Variants in BBOF1 observed in about 807,000 individuals in gnomAD.
The protein encoded by BBOF1 is basal body-orientation factor 1.
In BBOF1, 62 loss-of-function variants were observed where a neutral mutation model predicts 68.0. The observed-to-expected ratio is 0.91, with a 90% CI of 0.74 to 1.13. The LOEUF (loss-of-function observed/expected upper bound fraction) is 1.13, where lower values mean the gene tolerates loss of function less well. BBOF1 is among the 50% of genes most tolerant of loss of function. The pLI is 0.00. For synonymous variants in BBOF1, 208 were observed against 198.8 expected, an observed-to-expected ratio of 1.05 and a Z score of -0.39; for missense variants, 534 against 600.1, an observed-to-expected ratio of 0.89 and a Z score of 1.15.
At chr14:74,045,251 C>T (rs2059923930) in intron 5 of BBOF1, among the ~76,000 whole-genome samples, 1 of 152,152 alleles carries the variant, frequency 6.6e-6, no homozygotes, top group Non-Finnish European at 1.5e-5. Context: ...GTTTTGTTCA[C>T]TACAGAATTT....
intron 8 of BBOF1, among the ~76,000 whole-genome samples, chr14:74,054,678 C>CTTTT (rs551602396): frequency 4.2e-5 from 5 of 119,210 alleles, no homozygotes; most frequent in African/African-American, 1.6e-4. Flanking sequence ...CACCCAGGCT[C>CTTTT]TTTTTTTTTT....
Position 74,050,077 on chromosome 14 carries a change from A to G in BBOF1, c.1168A>G (p.Asn390Asp), listed in dbSNP as rs550932202. The G allele has an allele frequency of 6.2e-6, 10 of 1,614,026 alleles. No homozygotes were observed. In the South Asian group the frequency reaches 1.1e-4, roughly 18 times the overall value. The part of the protein sequence containing the change: ...HYKQIAQAAF[N>D]LKMRAACTGR... ...TAAGCAGATAGCACAAGCTGCTTTC[A>G]ATTTAAAAATGAGAGCAGCATGTAC... is the stretch of plus-strand genomic sequence containing the variant. Residue 390 changes from asparagine to aspartate, a missense_variant, in exon 8 of 12, where the codon AAT becomes GAT. Transcript: ENST00000394009.
At chr14:74,057,691 A>AT in intron 11 of BBOF1, 1 of 1,272,374 alleles carries the variant, frequency 7.9e-7, no homozygotes, top group African/African-American at 1.6e-5. Flanking sequence ...TTAATTTATA[A>AT]TTTGTTATTC....
intron 9 of BBOF1, among the ~76,000 whole-genome samples, chr14:74,073,243 A>G (rs1425478139): frequency 6.6e-6 from 1 of 152,074 alleles, no homozygotes; most frequent in Admixed American, 6.6e-5. Context: ...AGCTGGGACT[A>G]CAGGCACATG....
intron 1 of BBOF1, 63 bp downstream of exon 1, chr14:74,019,597 C>T (rs900181085): frequency 4.5e-6 from 7 of 1,543,242 alleles, no homozygotes; most frequent in African/African-American, 2.8e-5. Context: ...GGGTCTGGGG[C>T]TGGCAACCTG....
At chr14:74,078,885 G>A (rs1293257422) in intron 10 of BBOF1, among the ~76,000 whole-genome samples, 4 of 151,376 alleles carry the variant, frequency 2.6e-5, no homozygotes, top group Admixed American at 6.6e-5. Flanking sequence ...GGTTGGTCTC[G>A]AACTCCTGAC....
chr14:74,037,691 C>T (rs1195391229), intron 4 of BBOF1, among the ~76,000 whole-genome samples: 5 of 151,742 alleles, frequency 3.3e-5, no homozygotes, highest in South Asian at 2.1e-4. Flanking sequence ...TGGTGGCTCA[C>T]GCCTGTAATA....
At chr14:74,031,989 A>C (rs1404377818) in intron 3 of BBOF1, 1 of 152,140 alleles carries the variant, frequency 6.6e-6, no homozygotes, top group African/African-American at 2.4e-5. Flanking sequence ...CCAAAGAAAA[A>C]TATATAATTT....
intron 10 of BBOF1, among the ~76,000 whole-genome samples, chr14:74,079,195 G>A (rs892111559): frequency 1.3e-5 from 2 of 151,588 alleles, no homozygotes; most frequent in East Asian, 3.9e-4. Context: ...AAAAAAAGGT[G>A]GCTGGGCACA....
chr14:74,036,683 C>A (rs1358995064), intron 4 of BBOF1, among the ~76,000 whole-genome samples: 1,439 of 108,328 alleles, frequency 0.013, no homozygotes, highest in Non-Finnish European at 0.014. Flanking sequence ...GACTCTGTCT[C>A]AAAAAAAAAA....
At position 74,046,354 on chromosome 14, in the gene BBOF1, AACTT is replaced by A. The variant is rs370820444; in HGVS notation, c.647+230_647+233del. Among the ~76,000 whole-genome samples, 9 of 151,996 alleles carry A rather than the reference AACTT, an allele frequency of 5.9e-5. No individual in the cohort carries two copies. The South Asian group carries it at 6.2e-4, about 11-fold the overall frequency. ...TGTGGTGGAAAGATCCTGGGCTTTG[AACTT>A]ACTTATTTATTGATTTATTTTTTGA... On this transcript the variant is annotated intron_variant, in intron 6 of 11. Coordinates refer to ENST00000394009, the MANE Select transcript of BBOF1 (RefSeq NM_025057.3).
intron 1 of BBOF1, among the ~76,000 whole-genome samples, chr14:74,020,779 C>T (rs2059267310): frequency 6.6e-6 from 1 of 152,144 alleles, no homozygotes; most frequent in Admixed American, 6.5e-5. Flanking sequence ...GCTGGGATGA[C>T]AGCCGTGAGC....
intron 8 of BBOF1, among the ~76,000 whole-genome samples, chr14:74,050,716 C>G (rs1426819127): frequency 6.6e-6 from 1 of 152,016 alleles, no homozygotes; most frequent in African/African-American, 2.4e-5. Context: ...TTTTGATACG[C>G]ATACTTTCAG....
intron 3 of BBOF1, among the ~76,000 whole-genome samples, chr14:74,030,227 A>AT (rs1461766999): frequency 6.6e-6 from 1 of 151,810 alleles, no homozygotes; most frequent in Non-Finnish European, 1.5e-5. Context: ...TATTTATTTA[A>AT]TTTTTTTAGA....
rs541411408 is a variant in BBOF1 at position 74,059,723 on chromosome 14, C to T, written c.1578+2465C>T. Reference sequence around the variant, plus strand: ...AAAAAAGAAAAAAGAAAATTATTTGCATCTGAATTAATGGCTGAAGTATTA... The same window carrying T: ...AAAAAAGAAAAAAGAAAATTATTTGTATCTGAATTAATGGCTGAAGTATTA... On this transcript the variant is annotated intron_variant, in intron 11 of 11. Transcript: ENST00000394009. The T allele has an allele frequency of 4.6e-5, 8 of 172,174 alleles. No homozygotes were observed. In the South Asian group the frequency reaches 1.1e-3, roughly 24 times the overall value. The allele number at this position is 172,174 out of a possible 1,614,324, so 10.7% of individuals were successfully genotyped here. A position where few individuals can be genotyped will look rare whatever the true frequency, so the allele number is the denominator to read the frequency against.
At chr14:74,079,499 T>C (rs2060650435) in intron 10 of BBOF1, among the ~76,000 whole-genome samples, 1 of 151,414 alleles carries the variant, frequency 6.6e-6, no homozygotes, top group African/African-American at 2.4e-5. Context: ...AGTTGCGCGA[T>C]CTTGGCTCAC....
chr14:74,063,271 C>G, intron 11 of BBOF1, among the ~76,000 whole-genome samples: 1 of 151,456 alleles, frequency 6.6e-6, no homozygotes, highest in East Asian at 2.0e-4. Context: ...ACTGCAACTT[C>G]CGCCTCCCAG....
Position 74,047,923 on chromosome 14 carries a change from AT to A in BBOF1, c.648-4del, listed in dbSNP as rs1281262370. 6.3e-7 allele frequency: 1 copy of A among 1,593,770 alleles called. No homozygotes were observed. Among genetic ancestry groups the A allele is most frequent in the Non-Finnish European group, 8.5e-7 (1 of 1,173,060 alleles). On this transcript the variant is annotated splice_polypyrimidine_tract_variant and splice_region_variant and intron_variant, in intron 6 of 11. Coordinates refer to ENST00000394009, the MANE Select transcript of BBOF1 (RefSeq NM_025057.3). ...ACCTGTGTTTTGAGATCTTATATCT[AT>A]TTCAGGCAATTGAACGATGCTGGAA...
downstream of BBOF1, chr14:74,066,931 T>G (rs1263523389): frequency 1.3e-6 from 2 of 1,567,148 alleles, no homozygotes; most frequent in South Asian, 2.2e-5. Flanking sequence ...TTAACATAAA[T>G]TATGACTGCT....
Sources: allele counts gnomAD v4.1 joint callset (sites outside exome capture counted in the v4.1 genomes callset), GRCh38; gene constraint gnomAD v4.1.1; transcripts MANE v1.5; gene names NCBI Gene and HGNC (gene_info 2026-07-23, HGNC 2026-07-21).